ZRANB3: variants seen among roughly 807,000 people sequenced by gnomAD.
ZRANB3 encodes the protein zinc finger RANBP2-type containing 3.
A neutral mutation model predicts 133.8 loss-of-function variants in ZRANB3; 125 were observed. The observed-to-expected ratio is 0.93, with a 90% CI of 0.81 to 1.08. The LOEUF is 1.08. ZRANB3 is among the 50% of genes least tolerant of loss of function. The pLI is 0.00. For missense variants in ZRANB3, 1,229 were observed against 1,275.5 expected, an observed-to-expected ratio of 0.96 and a Z score of 0.56; for synonymous variants, 387 against 432.7, an observed-to-expected ratio of 0.89 and a Z score of 1.31.
intron 12 of ZRANB3, among the ~76,000 whole-genome samples, chr2:135,251,736 C>T (rs1403841255): frequency 2.6e-5 from 4 of 152,276 alleles, no homozygotes; most frequent in Non-Finnish European, 1.5e-5. Flanking sequence ...AACTGTGATT[C>T]CAATTAAACC....
chr2:135,202,613 G>T, intron 20 of ZRANB3: 1 of 420,556 alleles, frequency 2.4e-6, no homozygotes, highest in Non-Finnish European at 4.2e-6. Context: ...TGGTGCAAAT[G>T]TCTTGGTCCT....
At chr2:135,512,555 TTAAAA>T (rs1233442961) in intron 1 of ZRANB3, among the ~76,000 whole-genome samples, 2 of 151,522 alleles carry the variant, frequency 1.3e-5, no homozygotes, top group Non-Finnish European at 2.9e-5. Context: ...CTATATTAAA[TTAAAA>T]TATATATAAA....
intron 1 of ZRANB3, among the ~76,000 whole-genome samples, chr2:135,521,011 A>G (rs1693914725): frequency 1.3e-5 from 2 of 152,194 alleles, no homozygotes; most frequent in African/African-American, 4.8e-5. Flanking sequence ...AAACCACTAC[A>G]CTAGGAAATT....
intron 2 of ZRANB3, among the ~76,000 whole-genome samples, chr2:135,485,170 A>T (rs538381240): frequency 2.4e-4 from 33 of 139,314 alleles, no homozygotes; most frequent in South Asian, 2.0e-3. Flanking sequence ...AAACAAAACA[A>T]AACAAAACAA....
intron 8 of ZRANB3, among the ~76,000 whole-genome samples, chr2:135,285,675 A>G (rs1681322803): frequency 6.6e-6 from 1 of 152,246 alleles, no homozygotes; most frequent in South Asian, 2.1e-4. Context: ...TAGAGATAAG[A>G]AATTTTAAAT....
intron 6 of ZRANB3, among the ~76,000 whole-genome samples, chr2:135,334,719 C>G (rs1684294096): frequency 6.6e-6 from 1 of 151,522 alleles, no homozygotes; most frequent in Admixed American, 6.6e-5. Flanking sequence ...CATGGTGAAA[C>G]CCCGTCTCTA....
rs533041401 is a variant in ZRANB3 at position 135,364,800 on chromosome 2, C to T, written c.181-11172G>A. On this transcript the variant is annotated intron_variant, in intron 3 of 20. Transcript: ENST00000264159. ...GCACGGTGGCTAACGCCTGTAATCC[C>T]ATCACTTTGGGAGGCCGAGGCGGGC... Among the ~76,000 whole-genome samples the T allele has an allele frequency of 4.0e-5, 6 of 151,574 alleles. No homozygotes were observed. In the South Asian group the frequency reaches 6.3e-4, roughly 16 times the overall value.
At chr2:135,412,972 T>C (rs1688378743) in intron 2 of ZRANB3, among the ~76,000 whole-genome samples, 1 of 152,162 alleles carries the variant, frequency 6.6e-6, no homozygotes, top group African/African-American at 2.4e-5. Flanking sequence ...TACCTTGAAA[T>C]TATTACAAGC....
At chr2:135,364,684 G>A (rs967361561) in intron 3 of ZRANB3, among the ~76,000 whole-genome samples, 7 of 152,110 alleles carry the variant, frequency 4.6e-5, no homozygotes, top group Non-Finnish European at 1.0e-4. Flanking sequence ...CCTGGGAGGC[G>A]AAGGTTGCAG....
At chr2:135,443,064 C>T (rs1355811805) in intron 2 of ZRANB3, among the ~76,000 whole-genome samples, 1 of 150,112 alleles carries the variant, frequency 6.7e-6, no homozygotes, top group East Asian at 2.0e-4. Context: ...TGCAGTGAGC[C>T]AAGATCCCGC....
chr2:135,322,742 C>T (rs192067180), intron 6 of ZRANB3, among the ~76,000 whole-genome samples: 32 of 152,082 alleles, frequency 2.1e-4, no homozygotes, highest in African/African-American at 7.0e-4. Context: ...GTTGACCAGG[C>T]GCAGTGGCTC....
chr2:135,372,951 A>T (rs1236843535), intron 3 of ZRANB3, among the ~76,000 whole-genome samples: 1 of 151,678 alleles, frequency 6.6e-6, no homozygotes, highest in Non-Finnish European at 1.5e-5. Context: ...ATGTGGTGAC[A>T]TACACCTGTA....
chr2:135,390,780 T>C (rs551712376), intron 3 of ZRANB3, 22 bp downstream of exon 3: 5 of 1,482,708 alleles, frequency 3.4e-6, no homozygotes, highest in East Asian at 2.7e-5. Flanking sequence ...ATAAAAGACA[T>C]AAAAACCATT....
intron 2 of ZRANB3, among the ~76,000 whole-genome samples, chr2:135,433,628 G>A (rs1689409560): frequency 6.6e-6 from 1 of 152,072 alleles, no homozygotes; most frequent in Admixed American, 6.5e-5. Context: ...GAGGCAGGCA[G>A]ATTACCTGAG....
At chr2:135,288,939 CTT>C (rs576390028) in intron 8 of ZRANB3, among the ~76,000 whole-genome samples, 7 of 149,088 alleles carry the variant, frequency 4.7e-5, no homozygotes, top group African/African-American at 1.7e-4. Flanking sequence ...TCTGCTCTGA[CTT>C]TTGTTATTTC....
intron 3 of ZRANB3, among the ~76,000 whole-genome samples, chr2:135,369,042 A>T (rs1686059556): frequency 6.6e-6 from 1 of 152,046 alleles, no homozygotes. Context: ...GGGTGAAAAT[A>T]AAAAATAAGA....
chr2:135,463,509 C>G (rs187759225), intron 2 of ZRANB3, among the ~76,000 whole-genome samples: 1 of 152,036 alleles, frequency 6.6e-6, no homozygotes, highest in East Asian at 1.9e-4. Context: ...CCTCCGCCTC[C>G]CAGGTTCAAG....
intron 3 of ZRANB3, among the ~76,000 whole-genome samples, chr2:135,355,892 G>C (rs1485834155): frequency 6.6e-6 from 1 of 152,074 alleles, no homozygotes; most frequent in African/African-American, 2.4e-5. Context: ...TTGCTTCCCT[G>C]GTTTTCTGGA....
chr2:135,444,856 C>T (rs1299218876), intron 2 of ZRANB3, among the ~76,000 whole-genome samples: 1 of 151,964 alleles, frequency 6.6e-6, no homozygotes, highest in East Asian at 1.9e-4. Flanking sequence ...GGGGAGGGTA[C>T]AATCAAAAAG....
Sources: allele counts gnomAD v4.1 joint callset (sites outside exome capture counted in the v4.1 genomes callset), GRCh38; gene constraint gnomAD v4.1.1; transcripts MANE v1.5; gene names NCBI Gene and HGNC (gene_info 2026-07-23, HGNC 2026-07-21).